The following RAB39A variants were observed in gnomAD, a reference collection of about 807,000 sequenced individuals.
The protein encoded by RAB39A is ras-related protein Rab-39A.
A neutral mutation model predicts 20.9 loss-of-function variants in RAB39A; 17 were observed. That is an observed-to-expected ratio of 0.81 (90% CI 0.56 to 1.22). The LOEUF (loss-of-function observed/expected upper bound fraction) is 1.22. Ranked by LOEUF, RAB39A falls within the 50% of genes most tolerant of loss-of-function variation. RAB39A has a pLI of 0.00. For missense variants in RAB39A, 234 were observed against 270.5 expected, an observed-to-expected ratio of 0.87 and a Z score of 0.95; for synonymous variants, 99 against 103.4, an observed-to-expected ratio of 0.96 and a Z score of 0.26.
At chr11:107,956,007 C>A (rs917385590) in intron 1 of RAB39A, among the ~76,000 whole-genome samples, 5 of 151,994 alleles carry the variant, frequency 3.3e-5, no homozygotes, top group African/African-American at 1.2e-4. Flanking sequence ...ACAGAGATTG[C>A]TGGCTACTGT....
intron 1 of RAB39A, among the ~76,000 whole-genome samples, chr11:107,936,353 T>G (rs1372555530): frequency 6.6e-6 from 1 of 152,078 alleles, no homozygotes; most frequent in African/African-American, 2.4e-5. Flanking sequence ...CACCCCATTT[T>G]TATTTTAATG....
intron 1 of RAB39A, among the ~76,000 whole-genome samples, chr11:107,948,987 G>T (rs1370273553): frequency 2.0e-5 from 3 of 152,104 alleles, no homozygotes; most frequent in Non-Finnish European, 4.4e-5. Context: ...GCCAGGTTAT[G>T]CTACAGTAAC....
At chr11:107,949,206 G>A (rs936157206) in intron 1 of RAB39A, among the ~76,000 whole-genome samples, 1 of 152,120 alleles carries the variant, frequency 6.6e-6, no homozygotes, top group African/African-American at 2.4e-5. Context: ...AGCTACTCGG[G>A]AGGCTGAGGC....
chr11:107,938,564 TAAAA>T (rs5794580), intron 1 of RAB39A, among the ~76,000 whole-genome samples: 3 of 95,246 alleles, frequency 3.1e-5, no homozygotes, highest in African/African-American at 8.4e-5. Context: ...ACCTCGTCTA[TAAAA>T]AAAAAAAAAA....
chr11:107,957,287 A>G (rs372698530), intron 1 of RAB39A, among the ~76,000 whole-genome samples: 3 of 152,238 alleles, frequency 2.0e-5, no homozygotes, highest in African/African-American at 7.2e-5. Context: ...TTGGAAGATG[A>G]CAGCAGTTGG....
At chr11:107,948,818 G>A (rs1464120233) in intron 1 of RAB39A, among the ~76,000 whole-genome samples, 2 of 152,008 alleles carry the variant, frequency 1.3e-5, no homozygotes, top group Non-Finnish European at 2.9e-5. Flanking sequence ...TGTCAATATT[G>A]TTCACCTTAA....
In RAB39A at chr11:107,945,451, T is replaced by C. The variant is rs538357069; in HGVS notation, c.228-16495T>C. Among the ~76,000 whole-genome samples the C allele has an allele frequency of 4.7e-4, 72 of 151,878 alleles. 1 individual carries two copies. The highest frequency in any genetic ancestry group is 3.4e-3 in the Middle Eastern group (1 of 290). ...AGTATTTTTTCCAACCATAAATCCC[T>C]GAACAAGGAAAACAGGTAGGAGCCA... On this transcript the variant is annotated intron_variant, in intron 1 of 1. Transcript: ENST00000320578.
At chr11:107,935,647 AT>A (rs1861187116) in intron 1 of RAB39A, among the ~76,000 whole-genome samples, 1 of 152,046 alleles carries the variant, frequency 6.6e-6, no homozygotes, top group South Asian at 2.1e-4. Context: ...AAGTGCTGGG[AT>A]TACAGGTGTG....
chr11:107,936,970 G>C (rs557217952), intron 1 of RAB39A, among the ~76,000 whole-genome samples: 2 of 152,028 alleles, frequency 1.3e-5, no homozygotes, highest in Non-Finnish European at 1.5e-5. Context: ...ATGATTGGTG[G>C]GTCCATAATT....
At chr11:107,931,231 C>T (rs923629534) in intron 1 of RAB39A, among the ~76,000 whole-genome samples, 1 of 152,192 alleles carries the variant, frequency 6.6e-6, no homozygotes, top group African/African-American at 2.4e-5. Flanking sequence ...CCTGCCTCAG[C>T]CTCCCAAAGT....
chr11:107,961,873 G>A (rs900789017), intron 1 of RAB39A, 73 bp from the exon 2 acceptor site: 12 of 1,136,754 alleles, frequency 1.1e-5, no homozygotes, highest in Non-Finnish European at 1.5e-5. Context: ...TGTTATTATG[G>A]TGCTAGATTG....
chr11:107,956,071 C>T (rs934036703), intron 1 of RAB39A, among the ~76,000 whole-genome samples: 7 of 152,228 alleles, frequency 4.6e-5, no homozygotes, highest in Admixed American at 4.6e-4. Context: ...TATAATTTAT[C>T]CACCCCCTCC....
intron 1 of RAB39A, among the ~76,000 whole-genome samples, chr11:107,933,483 G>T (rs1013057600): frequency 1.4e-5 from 2 of 143,934 alleles, no homozygotes; most frequent in East Asian, 4.4e-4. Context: ...AGGTTCAAGC[G>T]ATTCTCCTCC....
chr11:107,946,787 T>TA (rs1861323681), intron 1 of RAB39A, among the ~76,000 whole-genome samples: 1 of 151,124 alleles, frequency 6.6e-6, no homozygotes, highest in Admixed American at 6.6e-5. Context: ...ACTATTTTTT[T>TA]TAAAAAAAAG....
chr11:107,955,027 C>T (rs1336974752), intron 1 of RAB39A, among the ~76,000 whole-genome samples: 2 of 103,166 alleles, frequency 1.9e-5, no homozygotes, highest in South Asian at 3.5e-4. Flanking sequence ...GACAGAGTCT[C>T]GTTCTGTCGC....
chr11:107,930,138 T>C (rs1861121362), intron 1 of RAB39A, among the ~76,000 whole-genome samples: 1 of 152,224 alleles, frequency 6.6e-6, no homozygotes, highest in South Asian at 2.1e-4. Flanking sequence ...TTCGTGTGTG[T>C]GAAGTGGAAA....
chr11:107,962,012 A>C lies in RAB39A; in HGVS notation c.294A>C (p.Arg98=), dbSNP rs1861501374. The change falls in exon 2 of 2, where the codon CGA becomes CGC. Residue 98 remains arginine, a synonymous_variant. Coordinates refer to ENST00000320578, the MANE Select transcript of RAB39A (RefSeq NM_017516.3). ...GGFLVFDITN[R]RSFEHVKDWL... ...TTTTAGTATTTGACATTACTAACCG[A>C]CGATCTTTTGAACATGTGAAAGATT... 1 of 1,613,854 alleles carries C rather than the reference A, an allele frequency of 6.2e-7. No homozygotes were observed. Among genetic ancestry groups the C allele is most frequent in the African/African-American group, 1.3e-5 (1 of 74,936 alleles).
intron 1 of RAB39A, among the ~76,000 whole-genome samples, chr11:107,936,738 A>G (rs1861197366): frequency 1.3e-5 from 2 of 152,148 alleles, no homozygotes; most frequent in African/African-American, 4.8e-5. Context: ...TCTGGCAAAC[A>G]TGGTGAAACC....
In RAB39A at chr11:107,961,999, A is replaced by T; in HGVS notation, c.281A>T (p.Asp94Val). 2 of 1,613,782 alleles carry T rather than the reference A, an allele frequency of 1.2e-6. No homozygotes were observed. Among genetic ancestry groups the T allele is most frequent in the Non-Finnish European group, 8.5e-7 (1 of 1,179,694 alleles). ...RNSVGGFLVF[D>V]ITNRRSFEHV... is the part of the protein sequence containing the mutation. ...TCAGTTGGTGGATTTTTAGTATTTG[A>T]CATTACTAACCGACGATCTTTTGAA... The change falls in exon 2 of 2, where the codon GAC (aspartate) becomes GTC (valine). Residue 94 changes from aspartate (D) to valine (V), a missense_variant. Asp to Val is a radical substitution (Grantham distance 152, BLOSUM62 -3). Transcript: ENST00000320578.
Sources: gnomAD v4.1 joint callset for allele counts (sites outside exome capture counted in the v4.1 genomes callset) on GRCh38, gnomAD v4.1.1 for gene constraint, MANE v1.5 for transcripts, NCBI Gene and HGNC (gene_info 2026-07-23, HGNC 2026-07-21) for gene names.